PAMR1: variants seen among roughly 807,000 people sequenced by gnomAD.
PAMR1 encodes the protein inactive serine protease PAMR1.
Under a neutral mutation model 81.8 loss-of-function variants are expected in PAMR1, and 88 were observed. The observed-to-expected ratio is 1.08, with a 90% CI of 0.91 to 1.28. PAMR1 has a LOEUF of 1.28. Among genes scored for constraint, PAMR1 ranks in the 50% most tolerant of loss-of-function variants. PAMR1 has a pLI of 0.00. For missense variants in PAMR1, 935 were observed against 919.7 expected (o/e 1.02, Z -0.21); for synonymous variants, 336 against 345.3 (o/e 0.97, Z 0.30).
At chr11:35,525,229 C>A (rs1851363262) in intron 1 of PAMR1, among the ~76,000 whole-genome samples, 1 of 152,110 alleles carries the variant, frequency 6.6e-6, no homozygotes, top group African/African-American at 2.4e-5. Flanking sequence ...ATAAAAAGAG[C>A]AAATAAAATA....
chr11:35,449,359 C>A (rs1167765407), intron 6 of PAMR1, among the ~76,000 whole-genome samples: 3 of 152,162 alleles, frequency 2.0e-5, no homozygotes, highest in African/African-American at 7.2e-5. Flanking sequence ...ATGACCGCCT[C>A]CCCACAGAGG....
chr11:35,450,624 C>A (rs1856396062), intron 6 of PAMR1, among the ~76,000 whole-genome samples: 1 of 152,184 alleles, frequency 6.6e-6, no homozygotes. Flanking sequence ...GCTTAGTAAG[C>A]ACCCACTGGG....
intron 1 of PAMR1, among the ~76,000 whole-genome samples, chr11:35,523,451 A>T (rs1851322958): frequency 6.6e-6 from 1 of 152,208 alleles, no homozygotes; most frequent in Non-Finnish European, 1.5e-5. Context: ...AAGTCAGTGG[A>T]GTTGGGTTTC....
chr11:35,464,007 G>T (rs1856712123), intron 6 of PAMR1, among the ~76,000 whole-genome samples: 1 of 152,210 alleles, frequency 6.6e-6, no homozygotes, highest in African/African-American at 2.4e-5. Flanking sequence ...TTGAGGACAG[G>T]TGTTGATAAT....
rs553439525 is a variant in PAMR1, at chr11:35,510,282, A to G, written c.73+15231T>C. ...CATTTGTTACAACTGATGAACCTAC[A>G]TGGACTCATCATTATCACTGGAGCC... is the stretch of plus-strand genomic sequence containing the variant. On this transcript the variant is annotated intron_variant, in intron 1 of 10. Transcript: ENST00000619888. Among the ~76,000 whole-genome samples the G allele has an allele frequency of 7.2e-5, 11 of 152,266 alleles. No homozygotes were observed. The South Asian group carries it at 1.9e-3, about 26-fold the overall frequency.
At chr11:35,528,580 T>G (rs990483211), upstream of PAMR1, among the ~76,000 whole-genome samples, 5 of 152,170 alleles carry the variant, frequency 3.3e-5, no homozygotes, top group African/African-American at 1.2e-4. Flanking sequence ...ATAAAAAACT[T>G]TTGTTTGTTT....
chr11:35,444,333 A>T (rs1856247680), intron 6 of PAMR1, among the ~76,000 whole-genome samples: 1 of 152,186 alleles, frequency 6.6e-6, no homozygotes, highest in East Asian at 1.9e-4. Context: ...TGCTGTGCAG[A>T]AGCTCTGTAG....
chr11:35,432,408 G>A lies in PAMR1; in HGVS notation c.2111C>T (p.Ala704Val). ...TTTAAAAGGCAGCACCTTGGTGAAG[G>A]CAGTGGAGAGCCTGTGGCTGCATGT... ...DKTCSHRLSTAFTKVLPFKDW... is the reference protein window; with the variant it reads ...DKTCSHRLSTVFTKVLPFKDW... Residue 704 changes from alanine to valine, a missense_variant, in exon 11 of 11, where the codon GCC becomes GTC. Coordinates refer to ENST00000619888, the MANE Select transcript of PAMR1 (RefSeq NM_001001991.3). 1 of 1,613,956 alleles carries A rather than the reference G, an allele frequency of 6.2e-7. No homozygotes were observed.
chr11:35,479,475 C>T (rs1278514214), intron 3 of PAMR1, among the ~76,000 whole-genome samples: 1 of 152,206 alleles, frequency 6.6e-6, no homozygotes, highest in Non-Finnish European at 1.5e-5. Context: ...TAAAAATGCT[C>T]AATAAGTGGC....
chr11:35,527,817 A>T (rs896362918), upstream of PAMR1, among the ~76,000 whole-genome samples: 1 of 152,140 alleles, frequency 6.6e-6, no homozygotes, highest in African/African-American at 2.4e-5. Context: ...TCAATAGTCC[A>T]GGGTGACTTC....
chr11:35,505,694 T>C (rs1003946953), intron 1 of PAMR1, among the ~76,000 whole-genome samples: 3 of 152,182 alleles, frequency 2.0e-5, no homozygotes, highest in Non-Finnish European at 2.9e-5. Context: ...TTTTGGTTTC[T>C]ACTTGCATAG....
At chr11:35,515,964 C>T (rs1375371130) in intron 1 of PAMR1, among the ~76,000 whole-genome samples, 1 of 152,206 alleles carries the variant, frequency 6.6e-6, no homozygotes, top group Non-Finnish European at 1.5e-5. Flanking sequence ...AGTATCATTC[C>T]TTCTCAATTC....
rs60887441 is a variant in PAMR1 at position 35,450,129 on chromosome 11, C to CAAAAAAA, written c.821-8443_821-8437dup. On this transcript the variant is annotated intron_variant, in intron 6 of 10. Transcript: ENST00000619888. The stretch of plus-strand genomic sequence containing the variant: ...AGAAACTTACTTGGCTGCCTCCAGG[C>CAAAAAAA]AAAAAAAAAAAAAAAAAAAAAAAAA... Among the ~76,000 whole-genome samples the CAAAAAAA allele has an allele frequency of 1.2e-3, 50 of 43,050 alleles. 6 individuals carry two copies. Among genetic ancestry groups the CAAAAAAA allele is most frequent in the African/African-American group, 1.4e-3 (14 of 9,730 alleles). The allele number at this position is 43,050 out of a possible 152,430, so 28.2% of individuals were successfully genotyped here. A position where few individuals can be genotyped will look rare whatever the true frequency, so the allele number is the denominator to read the frequency against.
intron 1 of PAMR1, among the ~76,000 whole-genome samples, chr11:35,515,356 C>T (rs189415240): frequency 6.6e-6 from 1 of 152,208 alleles, no homozygotes; most frequent in Non-Finnish European, 1.5e-5. Flanking sequence ...TGGCCAACAA[C>T]AGATGTCAAG....
intron 5 of PAMR1, 146 bp downstream of exon 5, chr11:35,470,455 T>C (rs1319975890): frequency 1.4e-5 from 9 of 645,984 alleles, no homozygotes; most frequent in African/African-American, 3.7e-5. Context: ...CCTTGCTATT[T>C]CTTTTTTCTC....
upstream of PAMR1, chr11:35,525,805 G>T (rs1851376629): frequency 5.2e-6 from 3 of 581,392 alleles, no homozygotes; most frequent in Non-Finnish European, 9.2e-6. Context: ...AACCCTTGCG[G>T]GGCCCCGGGA....
At position 35,494,182 on chromosome 11, in the gene PAMR1, C is replaced by T. The variant is rs1850679070; in HGVS notation, c.164G>A (p.Cys55Tyr). Residue 55 changes from cysteine (C) to tyrosine (Y), a missense_variant, in exon 2 of 11, where the codon TGC becomes TAC. Physicochemically the swap from Cys to Tyr is radical, Grantham distance 194. Coordinates refer to ENST00000619888, the MANE Select transcript of PAMR1 (RefSeq NM_001001991.3). ...ACCCACGACTTCCCTCTTTCCGGGGCAGACGCACTCAATCTGATCATATTC... is the reference window on the plus strand; with the variant it reads ...ACCCACGACTTCCCTCTTTCCGGGGTAGACGCACTCAATCTGATCATATTC... ...CCEYDQIECV[C>Y]PGKREVVGYT... is the part of the protein sequence containing the mutation. 4 of 1,613,912 alleles carry T rather than the reference C, an allele frequency of 2.5e-6. No homozygotes were observed. The highest frequency in any genetic ancestry group is 1.7e-5 in the Admixed American group (1 of 60,010).
At position 35,470,828 on chromosome 11, in the gene PAMR1, G is replaced by C. The variant is rs565078894; in HGVS notation, c.495-10C>G. ...GCTCAACATGACAAATCTGTGGGTG[G>C]ACAGGGTGACGGAGGGAAGCAGATG... is the stretch of plus-strand genomic sequence containing the variant. On this transcript the variant is annotated splice_polypyrimidine_tract_variant and intron_variant, in intron 4 of 10. Coordinates refer to ENST00000619888, the MANE Select transcript of PAMR1 (RefSeq NM_001001991.3). 1 of 1,605,040 alleles carries C rather than the reference G, an allele frequency of 6.2e-7. No individual in the cohort carries two copies. The highest frequency in any genetic ancestry group is 1.1e-5 in the South Asian group (1 of 90,860).
At chr11:35,517,747 C>T (rs1367228232) in intron 1 of PAMR1, among the ~76,000 whole-genome samples, 1 of 152,234 alleles carries the variant, frequency 6.6e-6, no homozygotes, top group East Asian at 1.9e-4. Context: ...GCTGAACCAT[C>T]AGTTCTCTCA....
Sources: allele counts gnomAD v4.1 joint callset (sites outside exome capture counted in the v4.1 genomes callset), GRCh38; gene constraint gnomAD v4.1.1; transcripts MANE v1.5; gene names NCBI Gene and HGNC (gene_info 2026-07-23, HGNC 2026-07-21).